Variants in GPC4 observed in about 807,000 individuals in gnomAD.
GPC4 encodes glypican 4, also known as glypican-4.
Under a neutral mutation model 35.0 loss-of-function variants are expected in GPC4, and 10 were observed. That is an observed-to-expected ratio of 0.29 (90% confidence interval 0.18 to 0.48). GPC4 has a LOEUF of 0.48. Ranked by LOEUF, GPC4 falls within the 20% of genes least tolerant of loss-of-function variation. The pLI, the probability that GPC4 is intolerant of heterozygous loss-of-function variation, is 0.99. For missense variants in GPC4, 322 were observed against 451.3 expected (o/e 0.71, Z 2.60); for synonymous variants, 167 against 170.2 (o/e 0.98, Z 0.15).
chrX:133,358,802 T>C (rs2068553359), intron 1 of GPC4, among the ~76,000 whole-genome samples: 1 of 111,508 alleles, frequency 9.0e-6, no homozygotes, highest in Non-Finnish European at 1.9e-5. Flanking sequence ...ATGTCTTAAA[T>C]ATTTCTGTCA....
chrX:133,409,834 A>G (rs773054201), intron 1 of GPC4, among the ~76,000 whole-genome samples: 4 of 111,724 alleles, frequency 3.6e-5, no homozygotes, highest in Non-Finnish European at 5.6e-5. Flanking sequence ...AGGATAGAAC[A>G]GGGATTTAGG....
intron 1 of GPC4, among the ~76,000 whole-genome samples, chrX:133,407,333 T>C (rs1381096873): frequency 9.0e-6 from 1 of 111,346 alleles, no homozygotes; most frequent in Non-Finnish European, 1.9e-5. Context: ...ACAAGCCATG[T>C]CTTCTCCATG....
rs1436746572 is a variant in GPC4 at position 133,342,058 on chromosome X, A to T, written c.161-2717T>A. ...TTTTTTTTTTTTTTTTTTTTTTGAG[A>T]CAGAGTCTCACTCTACTGCCCAGGC... is the stretch of plus-strand genomic sequence containing the variant. On this transcript the variant is annotated intron_variant, in intron 1 of 8. Coordinates refer to ENST00000370828, the MANE Select transcript of GPC4 (RefSeq NM_001448.3). Among the ~76,000 whole-genome samples, 3 of 90,285 alleles carry T rather than the reference A, an allele frequency of 3.3e-5. No individual in the cohort carries two copies. In the East Asian group the frequency reaches 1.0e-3, roughly 31 times the overall value. The allele number at this position is 90,285 out of a possible 115,157, so 78.4% of individuals were successfully genotyped here.
At chrX:133,331,757 T>TTA (rs1556027143) in intron 2 of GPC4, among the ~76,000 whole-genome samples, 3 of 92,854 alleles carry the variant, frequency 3.2e-5, no homozygotes, top group African/African-American at 1.2e-4. Flanking sequence ...TGAGACTGTC[T>TTA]AAAAAAAAAA....
At chrX:133,325,242 C>G (rs1192567145) in intron 2 of GPC4, among the ~76,000 whole-genome samples, 1 of 110,374 alleles carries the variant, frequency 9.1e-6, no homozygotes, top group Non-Finnish European at 1.9e-5. Flanking sequence ...TCATGAGACT[C>G]TTTTCAATGT....
chrX:133,316,707 T>C (rs1374318520), intron 3 of GPC4, among the ~76,000 whole-genome samples: 1 of 111,818 alleles, frequency 8.9e-6, no homozygotes, highest in Non-Finnish European at 1.9e-5. Context: ...GCCAGTGCTA[T>C]GTATTTAGAA....
chrX:133,396,806 C>T (rs989099516), intron 1 of GPC4, among the ~76,000 whole-genome samples: 5 of 111,971 alleles, frequency 4.5e-5, no homozygotes, highest in Admixed American at 9.5e-5. Context: ...GCAACTAAAG[C>T]AACTTAAAGA....
At chrX:133,389,310 G>A (rs1271238082) in intron 1 of GPC4, among the ~76,000 whole-genome samples, 1 of 111,516 alleles carries the variant, frequency 9.0e-6, no homozygotes, top group Non-Finnish European at 1.9e-5. Context: ...AACTGCGTCT[G>A]TCTTACTCTC....
intron 4 of GPC4, among the ~76,000 whole-genome samples, chrX:133,309,180 T>C (rs2068304036): frequency 1.8e-5 from 2 of 111,815 alleles, no homozygotes; most frequent in Non-Finnish European, 3.8e-5. Flanking sequence ...TAAAGAATAG[T>C]ATACCCATTA....
At chrX:133,319,540 G>A (rs1483137056) in intron 3 of GPC4, among the ~76,000 whole-genome samples, 2 of 108,048 alleles carry the variant, frequency 1.9e-5, no homozygotes, top group Admixed American at 1.0e-4. Flanking sequence ...CTTCAATTAG[G>A]GAACACATCC....
rs761185720 is a variant in GPC4 at position 133,382,481 on chromosome X, C to T, written c.160+32325G>A. Among the ~76,000 whole-genome samples, 178 of 103,444 alleles carry T rather than the reference C, an allele frequency of 1.7e-3. 2 individuals carry two copies. The highest frequency in any genetic ancestry group is 2.4e-3 in the Non-Finnish European group (124 of 51,170). The allele number at this position is 103,444 out of a possible 115,157, so 89.8% of individuals were successfully genotyped here. A position where few individuals can be genotyped will look rare whatever the true frequency, so the allele number is the denominator to read the frequency against. On this transcript the variant is annotated intron_variant, in intron 1 of 8. Transcript: ENST00000370828. Reference sequence around the variant, plus strand: ...CAGTGGCTCACGCCTGTAATTGCAGCACTTTGGGAGGCCAAGGCGGGTGGA... The same window carrying T: ...CAGTGGCTCACGCCTGTAATTGCAGTACTTTGGGAGGCCAAGGCGGGTGGA...
intron 1 of GPC4, among the ~76,000 whole-genome samples, chrX:133,376,824 T>C (rs1047686358): frequency 1.8e-5 from 2 of 111,919 alleles, no homozygotes; most frequent in Admixed American, 9.5e-5. Context: ...TCTTTGCTTT[T>C]GTCTCTCCCC....
Position 133,415,245 on chromosome X carries a change from T to C in GPC4, c.-280A>G. On this transcript the variant is annotated 5_prime_UTR_variant, in exon 1 of 9. Coordinates refer to ENST00000370828, the MANE Select transcript of GPC4 (RefSeq NM_001448.3). The stretch of plus-strand genomic sequence containing the variant: ...CCAGGGAAGCAGAGGCGCGGGCTGG[T>C]GACCTCGGGGTTTCGCGGGGCAGCG... 3.4e-6 allele frequency: 1 copy of C among 289,945 alleles called. No individual in the cohort carries two copies. The allele number at this position is 289,945 out of a possible 1,213,427, so 23.9% of individuals were successfully genotyped here. A position where few individuals can be genotyped will look rare whatever the true frequency, so the allele number is the denominator to read the frequency against.
At chrX:133,357,397 AT>A (rs1240839841) in intron 1 of GPC4, among the ~76,000 whole-genome samples, 8 of 100,372 alleles carry the variant, frequency 8.0e-5, no homozygotes, top group East Asian at 3.2e-4. Context: ...AAAAAAAAAA[AT>A]TTTTTTTTTT....
At chrX:133,373,133 G>C (rs972774739) in intron 1 of GPC4, among the ~76,000 whole-genome samples, 14 of 111,948 alleles carry the variant, frequency 1.3e-4, no homozygotes, top group Non-Finnish European at 2.1e-4. Flanking sequence ...GCTACTTGGA[G>C]TACTGTTTTC....
At chrX:133,333,875 T>C (rs1169233166) in intron 2 of GPC4, among the ~76,000 whole-genome samples, 2 of 112,849 alleles carry the variant, frequency 1.8e-5, no homozygotes, top group Non-Finnish European at 3.7e-5. Flanking sequence ...ATCAATGTTG[T>C]ATATTATGCT....
intron 1 of GPC4, among the ~76,000 whole-genome samples, chrX:133,363,661 C>A (rs371644611): frequency 2.7e-4 from 30 of 111,259 alleles, no homozygotes; most frequent in African/African-American, 9.1e-4. Flanking sequence ...ATTGCCCCCC[C>A]ATCATGTTTT....
At chrX:133,309,291 T>C (rs1211685336) in intron 4 of GPC4, among the ~76,000 whole-genome samples, 1 of 112,149 alleles carries the variant, frequency 8.9e-6, no homozygotes, top group Non-Finnish European at 1.9e-5. Context: ...CAACTTCTAC[T>C]TGGGTTTGTT....
At chrX:133,307,548 G>C (rs777231829) in intron 4 of GPC4, among the ~76,000 whole-genome samples, 1 of 111,832 alleles carries the variant, frequency 8.9e-6, no homozygotes, top group South Asian at 3.7e-4. Context: ...CTAAGTAAGG[G>C]CTGAAAGCAT....
Sources: gnomAD v4.1 joint callset for allele counts (sites outside exome capture counted in the v4.1 genomes callset) on GRCh38, gnomAD v4.1.1 for gene constraint, MANE v1.5 for transcripts, NCBI Gene and HGNC (gene_info 2026-07-23, HGNC 2026-07-21) for gene names.